The following RFX3 variants were observed in gnomAD, a reference collection of about 807,000 sequenced individuals.
The protein encoded by RFX3 is regulatory factor X3.
A neutral mutation model predicts 98.6 loss-of-function variants in RFX3; 14 were observed. The observed-to-expected ratio is 0.14, with a 90% CI of 0.09 to 0.22. The LOEUF is 0.22. Ranked by LOEUF, RFX3 falls within the 10% of genes least tolerant of loss-of-function variation. The pLI, the probability that RFX3 is intolerant of heterozygous loss-of-function variation, is 1.00. For synonymous variants in RFX3, 383 were observed against 328.4 expected, an observed-to-expected ratio of 1.17 and a Z score of -1.80; for missense variants, 639 against 926.9, an observed-to-expected ratio of 0.69 and a Z score of 4.03.
chr9:3,459,986 G>A (rs571024585), intron 1 of RFX3, among the ~76,000 whole-genome samples: 1 of 152,068 alleles, frequency 6.6e-6, no homozygotes, highest in Admixed American at 6.5e-5. Context: ...GAGGAAAGGG[G>A]TTTTAAATAA....
intron 2 of RFX3, among the ~76,000 whole-genome samples, chr9:3,370,731 C>G (rs964454453): frequency 5.9e-5 from 9 of 152,022 alleles, no homozygotes; most frequent in Non-Finnish European, 2.9e-5. Flanking sequence ...AAAAAGTATA[C>G]AAAATATTTC....
intron 11 of RFX3, among the ~76,000 whole-genome samples, chr9:3,267,774 T>C (rs776099397): frequency 1.1e-4 from 17 of 151,822 alleles, no homozygotes; most frequent in Non-Finnish European, 1.9e-4. Flanking sequence ...GCTAGAACCA[T>C]GGAGGGCAGG....
At position 3,333,591 on chromosome 9, in the gene RFX3, G is replaced by T. The variant is rs141828062; in HGVS notation, c.216-3074C>A. ...AACAGCCATGTTGGTTTCAAATTTA[G>T]ATAAAATGAGAAATGAGGTCATTTT... On this transcript the variant is annotated intron_variant, in intron 3 of 16. Transcript: ENST00000617270. 3.9e-5 allele frequency among the ~76,000 whole-genome samples: 6 copies of T among 152,028 alleles called. No individual in the cohort carries two copies. In the East Asian group the frequency reaches 1.2e-3, roughly 29 times the overall value.
intron 2 of RFX3, among the ~76,000 whole-genome samples, chr9:3,365,521 T>C (rs1474088350): frequency 6.6e-6 from 1 of 152,116 alleles, no homozygotes; most frequent in African/African-American, 2.4e-5. Context: ...CAACTTACTA[T>C]TCATCTAAAT....
At chr9:3,476,176 TA>T (rs1263848342) in intron 1 of RFX3, among the ~76,000 whole-genome samples, 1 of 148,554 alleles carries the variant, frequency 6.7e-6, no homozygotes, top group Non-Finnish European at 1.5e-5. Flanking sequence ...ATATATAATA[TA>T]TATAATATAT....
Position 3,351,652 on chromosome 9 carries a change from AG to A in RFX3, c.118-4889del, listed in dbSNP as rs1473105056. On this transcript the variant is annotated intron_variant, in intron 2 of 16. Transcript: ENST00000617270. ...AAAGAACTAAAACATGTTAGAACAT[AG>A]GTGGGTGGGTCACAAAATTAAAATT... Among the ~76,000 whole-genome samples the A allele has an allele frequency of 2.6e-5, 4 of 152,176 alleles. No individual in the cohort carries two copies. The East Asian group carries it at 7.7e-4, about 29-fold the overall frequency.
Position 3,301,546 on chromosome 9 carries a change from A to G in RFX3, c.549T>C (p.His183=), listed in dbSNP as rs764294076. ...TGTACATGAAGAAGAGGCAACTTACATGGCTGTTGAGAAGAGAGCTTCTGT... is the reference window on the plus strand; with the variant it reads ...TGTACATGAAGAAGAGGCAACTTACGTGGCTGTTGAGAAGAGAGCTTCTGT... ...STHRSSLLNS[H]LQWLLDNYET... is the part of the protein sequence containing the mutation. Residue 183 remains histidine (H), a splice_region_variant and synonymous_variant, in exon 5 of 17, where the codon CAT becomes CAC. Transcript: ENST00000617270. 1.3e-6 allele frequency: 2 copies of G among 1,597,072 alleles called. No individual in the cohort carries two copies. Among genetic ancestry groups the G allele is most frequent in the Admixed American group, 1.7e-5 (1 of 59,704 alleles).
chr9:3,446,909 TA>T (rs1003440520), intron 1 of RFX3, among the ~76,000 whole-genome samples: 1 of 151,838 alleles, frequency 6.6e-6, no homozygotes, highest in Non-Finnish European at 1.5e-5. Flanking sequence ...AGATGGAACT[TA>T]AAAAAAATCA....
rs58788880 is a variant in RFX3, at chr9:3,292,061, C to CAAAAAAAAAAAAAAAAA, written c.731+999_731+1015dup. On this transcript the variant is annotated intron_variant, in intron 6 of 16. Coordinates refer to ENST00000617270, the MANE Select transcript of RFX3 (RefSeq NM_001282116.2). ...ACAGAAACAGAGTGAGACTCCATCT[C>CAAAAAAAAAAAAAAAAA]AAAAAAAAAAAAAAAAAAAAAAAAA... Among the ~76,000 whole-genome samples, 4 of 23,946 alleles carry CAAAAAAAAAAAAAAAAA rather than the reference C, an allele frequency of 1.7e-4. 1 individual carries two copies. The highest frequency in any genetic ancestry group is 8.7e-4 in the Admixed American group (1 of 1,154). The allele number at this position is 23,946 out of a possible 152,430, so 15.7% of individuals were successfully genotyped here.
chr9:3,265,794 G>C (rs1432896820), intron 12 of RFX3, among the ~76,000 whole-genome samples: 1 of 152,034 alleles, frequency 6.6e-6, no homozygotes, highest in Non-Finnish European at 1.5e-5. Flanking sequence ...GAACTTTTCA[G>C]GATATGATAA....
intron 1 of RFX3, among the ~76,000 whole-genome samples, chr9:3,427,326 TATAA>T (rs1355219512): frequency 1.4e-5 from 2 of 142,986 alleles, no homozygotes; most frequent in East Asian, 2.0e-4. Flanking sequence ...TAATACAATA[TATAA>T]ATATATATTG....
intron 1 of RFX3, among the ~76,000 whole-genome samples, chr9:3,501,554 CTT>C (rs1051300818): frequency 7.3e-5 from 9 of 122,582 alleles, no homozygotes; most frequent in East Asian, 2.3e-4. Context: ...TTTTTTCCTT[CTT>C]TTTTTTTTTT....
At chr9:3,381,699 T>C (rs1481789402) in intron 2 of RFX3, among the ~76,000 whole-genome samples, 1 of 152,058 alleles carries the variant, frequency 6.6e-6, no homozygotes, top group Non-Finnish European at 1.5e-5. Flanking sequence ...TATTTATAAA[T>C]AGCTGAAATT....
intron 1 of RFX3, among the ~76,000 whole-genome samples, chr9:3,505,278 ATATACATTTT>A (rs1229476085): frequency 2.0e-3 from 149 of 75,810 alleles, no homozygotes; most frequent in African/African-American, 3.8e-3. Context: ...ATATATGAAT[ATATACATTTT>A]TATATTTATA....
chr9:3,470,136 T>C (rs1340024376), intron 1 of RFX3, among the ~76,000 whole-genome samples: 1 of 152,118 alleles, frequency 6.6e-6, no homozygotes, highest in Non-Finnish European at 1.5e-5. Context: ...GACACAGACA[T>C]AGCCTATGTG....
intron 14 of RFX3, among the ~76,000 whole-genome samples, chr9:3,249,844 T>C (rs1019609451): frequency 1.3e-5 from 2 of 152,048 alleles, no homozygotes; most frequent in African/African-American, 4.8e-5. Context: ...TTACCTACAT[T>C]AGTGTTAATA....
intron 1 of RFX3, among the ~76,000 whole-genome samples, chr9:3,471,455 G>A (rs960573864): frequency 4.6e-5 from 7 of 152,154 alleles, no homozygotes; most frequent in Admixed American, 1.3e-4. Flanking sequence ...ATATCTGACT[G>A]TCAATTACAA....
intron 2 of RFX3, among the ~76,000 whole-genome samples, chr9:3,390,000 A>G (rs1281002497): frequency 2.0e-5 from 3 of 152,212 alleles, no homozygotes; most frequent in Non-Finnish European, 4.4e-5. Context: ...AAAAAATCAT[A>G]AAAACAATTT....
chr9:3,476,523 C>T (rs1849270662), intron 1 of RFX3, among the ~76,000 whole-genome samples: 1 of 152,162 alleles, frequency 6.6e-6, no homozygotes, highest in East Asian at 1.9e-4. Flanking sequence ...TGCCATTAAA[C>T]CAAGTCAATT....
Sources: gnomAD v4.1 joint callset for allele counts (sites outside exome capture counted in the v4.1 genomes callset) on GRCh38, gnomAD v4.1.1 for gene constraint, MANE v1.5 for transcripts, NCBI Gene and HGNC (gene_info 2026-07-23, HGNC 2026-07-21) for gene names.